ICA1: variants seen among roughly 807,000 people sequenced by gnomAD.
ICA1 encodes the protein 69 kDa islet cell autoantigen.
ICA1 carries 40 observed loss-of-function variants against 71.0 expected under a neutral mutation model. The observed-to-expected ratio is 0.56, with a 90% CI of 0.44 to 0.73. The LOEUF is 0.73. Among genes scored for constraint, ICA1 ranks in the 30% least tolerant of loss-of-function variants. The pLI is 0.00. For synonymous variants in ICA1, 207 were observed against 209.5 expected (o/e 0.99, Z 0.10); for missense variants, 578 against 576.5 (o/e 1.00, Z -0.03).
intron 6 of ICA1, among the ~76,000 whole-genome samples, chr7:8,193,960 C>A (rs1429174988): frequency 6.6e-6 from 1 of 152,232 alleles, no homozygotes; most frequent in African/African-American, 2.4e-5. Context: ...ATTACCTCAA[C>A]TGCCTCTGTC....
rs770733827 is a variant in ICA1 at position 8,127,900 on chromosome 7, T to A, written c.1303A>T (p.Met435Leu). 6.2e-7 allele frequency: 1 copy of A among 1,614,142 alleles called. No individual in the cohort carries two copies. ...TGTAGCGAGGCCTGTAAGTCTTTCA[T>A]ATTTTGGTCTAAAAGCTGCGAAGGA... ...FLPSQLLDQN[M>L]KDLQASLQEP... Residue 435 changes from methionine (M) to leucine (L), a missense_variant, in exon 13 of 14, where the codon ATG becomes TTG. Physicochemically the swap from Met to Leu is conservative, Grantham distance 15. Transcript: ENST00000402384.
In ICA1 at chr7:8,113,722, A is replaced by G. The variant is rs1434010906; in HGVS notation, c.*201T>C. The G allele has an allele frequency of 5.6e-6, 3 of 536,790 alleles. No individual in the cohort carries two copies. Among genetic ancestry groups the G allele is most frequent in the Middle Eastern group, 5.1e-4 (1 of 1,956 alleles). 33.3% of individuals were successfully genotyped at this position (536,790 alleles called of 1,614,324 possible). A position where few individuals can be genotyped will look rare whatever the true frequency, so the allele number is the denominator to read the frequency against. ...TTCTAGACAATCCTGTATTATTTAG[A>G]TCCACATAGAGATACACGAAAACCC... On this transcript the variant is annotated 3_prime_UTR_variant, in exon 14 of 14. Coordinates refer to ENST00000402384, the MANE Select transcript of ICA1 (RefSeq NM_001136020.3). This position sits in a 1 kb window ranked among gnomAD's most constrained non-coding sequence, Gnocchi z 4.2.
At chr7:8,133,846 CTTTTTTT>C (rs57086182) in intron 12 of ICA1, among the ~76,000 whole-genome samples, 82 of 118,876 alleles carry the variant, frequency 6.9e-4, no homozygotes, top group Non-Finnish European at 1.0e-3. Flanking sequence ...AAAAATCATA[CTTTTTTT>C]TTTTTTTTTT....
intron 6 of ICA1, among the ~76,000 whole-genome samples, chr7:8,213,145 A>G (rs1794361533): frequency 6.6e-6 from 1 of 152,194 alleles, no homozygotes; most frequent in Admixed American, 6.5e-5. Flanking sequence ...AAACCTACAA[A>G]TGAAAATGGC....
intron 5 of ICA1, among the ~76,000 whole-genome samples, chr7:8,221,053 G>A (rs1396084237): frequency 2.0e-5 from 3 of 151,570 alleles, no homozygotes; most frequent in South Asian, 2.1e-4. Context: ...ACAGAAAAAT[G>A]AAAAAAAATT....
At chr7:8,161,964 T>C (rs1430209876) in intron 6 of ICA1, among the ~76,000 whole-genome samples, 1 of 152,188 alleles carries the variant, frequency 6.6e-6, no homozygotes, top group Non-Finnish European at 1.5e-5. Flanking sequence ...AATGATGGGA[T>C]ATTTGAGGTG....
intron 6 of ICA1, among the ~76,000 whole-genome samples, chr7:8,210,099 T>C (rs1793123376): frequency 6.6e-6 from 1 of 152,218 alleles, no homozygotes; most frequent in South Asian, 2.1e-4. Context: ...GATCACTTTA[T>C]GTTACAGAAT....
At chr7:8,190,100 T>C (rs1785110309) in intron 6 of ICA1, among the ~76,000 whole-genome samples, 1 of 152,210 alleles carries the variant, frequency 6.6e-6, no homozygotes, top group African/African-American at 2.4e-5. Flanking sequence ...CATATAAAAA[T>C]CTACCATGAA....
intron 6 of ICA1, among the ~76,000 whole-genome samples, chr7:8,190,026 T>G (rs1310797100): frequency 2.0e-5 from 3 of 152,238 alleles, no homozygotes; most frequent in Non-Finnish European, 4.4e-5. Context: ...AATTTTGTAC[T>G]CCTGGACCAG....
chr7:8,231,131 C>T (rs1456045369), intron 3 of ICA1, among the ~76,000 whole-genome samples: 1 of 152,020 alleles, frequency 6.6e-6, no homozygotes, highest in Non-Finnish European at 1.5e-5. Flanking sequence ...AACAGCGTGA[C>T]CTTTAGGCTG....
rs550462291 is a variant in ICA1 at position 8,235,876 on chromosome 7, T to C, written c.17+34A>G. On this transcript the variant is annotated intron_variant, in intron 2 of 13. Coordinates refer to ENST00000402384, the MANE Select transcript of ICA1 (RefSeq NM_001136020.3). ...TGATCATATGCTATATGCTTTCTAC[T>C]TTCCCAATTCAGAAAAGATGACAAA... The C allele has an allele frequency of 3.7e-6, 6 of 1,606,200 alleles. No homozygotes were observed. The African/African-American group carries it at 4.0e-5, about 11-fold the overall frequency.
intron 6 of ICA1, among the ~76,000 whole-genome samples, chr7:8,166,937 C>A (rs148468385): frequency 2.6e-5 from 4 of 152,222 alleles, no homozygotes; most frequent in African/African-American, 9.6e-5. Flanking sequence ...TAAGATATAT[C>A]TCACACTAGT....
At chr7:8,176,042 T>C (rs1780531383) in intron 6 of ICA1, among the ~76,000 whole-genome samples, 1 of 152,234 alleles carries the variant, frequency 6.6e-6, no homozygotes, top group Non-Finnish European at 1.5e-5. Context: ...CCCCTCATTT[T>C]ACAGAGGAGA....
intron 6 of ICA1, among the ~76,000 whole-genome samples, chr7:8,168,208 T>G (rs1806884014): frequency 6.6e-6 from 1 of 152,142 alleles, no homozygotes; most frequent in South Asian, 2.1e-4. Flanking sequence ...GGCTGCTTAC[T>G]TTTGCCTGCT....
intron 6 of ICA1, among the ~76,000 whole-genome samples, chr7:8,162,354 T>G (rs889198682): frequency 6.6e-6 from 1 of 152,252 alleles, no homozygotes; most frequent in Non-Finnish European, 1.5e-5. Context: ...AATGCACTGC[T>G]GAGTTTCCAA....
chr7:8,128,286 T>C (rs1032300982), intron 12 of ICA1, 144 bp from the exon 13 acceptor site: 22 of 823,946 alleles, frequency 2.7e-5, no homozygotes, highest in Non-Finnish European at 1.9e-6. Context: ...ATCCTATTAT[T>C]ATAGCCTCTC....
chr7:8,200,800 T>C (rs1412162232), intron 6 of ICA1, among the ~76,000 whole-genome samples: 1 of 152,238 alleles, frequency 6.6e-6, no homozygotes, highest in African/African-American at 2.4e-5. Context: ...ATCTACTAAA[T>C]GTCCAGCCAA....
At chr7:8,259,670 G>A (rs1385583659) in intron 1 of ICA1, among the ~76,000 whole-genome samples, 1 of 152,142 alleles carries the variant, frequency 6.6e-6, no homozygotes, top group Non-Finnish European at 1.5e-5. Flanking sequence ...TAAGGAAATG[G>A]TGACTTAAGT....
intron 1 of ICA1, among the ~76,000 whole-genome samples, chr7:8,252,748 A>G (rs1808617882): frequency 1.3e-5 from 2 of 151,204 alleles, no homozygotes; most frequent in Non-Finnish European, 2.9e-5. Context: ...TGTATATTAT[A>G]TATTCTGCTT....
Sources: gnomAD v4.1 joint callset for allele counts (sites outside exome capture counted in the v4.1 genomes callset) on GRCh38, gnomAD v4.1.1 for gene constraint, Gnocchi (gnomAD v3.1) non-coding constraint, MANE v1.5 for transcripts, NCBI Gene and HGNC (gene_info 2026-07-23, HGNC 2026-07-21) for gene names.